Variants in PGBD2 observed in about 807,000 individuals in gnomAD.
PGBD2 encodes the protein piggyBac transposable element derived 2, also known as piggyBac transposable element-derived protein 2.
A neutral mutation model predicts 8.1 loss-of-function variants in PGBD2; 6 were observed. That is an observed-to-expected ratio of 0.74 (90% CI 0.40 to 1.46). PGBD2 has a LOEUF of 1.46. Among genes scored for constraint, PGBD2 ranks in the 40% most tolerant of loss-of-function variants. The pLI is 0.02. For synonymous variants in PGBD2, 318 were observed against 272.2 expected, an observed-to-expected ratio of 1.17 and a Z score of -1.66; for missense variants, 802 against 739.0, an observed-to-expected ratio of 1.09 and a Z score of -0.99.
At chr1:248,904,104 C>T (rs1661579430), upstream of PGBD2, among the ~76,000 whole-genome samples, 1 of 151,596 alleles carries the variant, frequency 6.6e-6, no homozygotes, top group Non-Finnish European at 1.5e-5. Context: ...CTCCCTAAAG[C>T]AAGATAGTAT....
chr1:248,925,066 T>A, the PGBD2 span, among the ~76,000 whole-genome samples: 4 of 152,140 alleles, frequency 2.6e-5, no homozygotes, highest in Non-Finnish European at 2.9e-5. Context: ...ACTGGATATG[T>A]TGGAAAAAAG....
the PGBD2 span, among the ~76,000 whole-genome samples, chr1:248,892,003 A>G: frequency 6.6e-6 from 1 of 152,192 alleles, no homozygotes; most frequent in Non-Finnish European, 1.5e-5. Flanking sequence ...GTCAACCCCA[A>G]ATAACCAAAA....
At position 248,917,708 on chromosome 1, in the gene PGBD2, G is replaced by T. The variant is rs151078940; in HGVS notation, c.1124G>T (p.Arg375Leu). Residue 375 changes from arginine to leucine, a missense_variant, in exon 3 of 3, where the codon CGT becomes CTT. Transcript: ENST00000329291. ...GGGGTGAAAGCCACAGGAACTGTTCGTGAGTACAGGACTGAGCGATGTCCC... is the reference window on the plus strand; with the variant it reads ...GGGGTGAAAGCCACAGGAACTGTTCTTGAGTACAGGACTGAGCGATGTCCC... ...KKGVKATGTV[R>L]EYRTERCPLK... 1.2e-6 allele frequency: 2 copies of T among 1,614,198 alleles called. No homozygotes were observed. Among genetic ancestry groups the T allele is most frequent in the Non-Finnish European group, 1.7e-6 (2 of 1,180,036 alleles).
chr1:248,916,434 T>G (rs1662099766), intron 2 of PGBD2, among the ~76,000 whole-genome samples, 168 bp from the exon 3 acceptor site: 1 of 152,014 alleles, frequency 6.6e-6, no homozygotes, highest in Admixed American at 6.5e-5. Context: ...AAAAGCAGAA[T>G]CTGTGTTTAG....
chr1:248,907,455 T>C (rs956619497), intron 1 of PGBD2, among the ~76,000 whole-genome samples: 5 of 152,198 alleles, frequency 3.3e-5, no homozygotes, highest in Non-Finnish European at 5.9e-5. Context: ...CTTTCCTCTT[T>C]TACTAATCCA....
the PGBD2 span, among the ~76,000 whole-genome samples, chr1:248,892,268 TCCCTC>T: frequency 2.3e-5 from 1 of 43,360 alleles, no homozygotes; most frequent in African/African-American, 1.1e-4. Context: ...CCTCCCTCCC[TCCCTC>T]CCTTCCTTCC....
chr1:248,874,357 A>G, the PGBD2 span, among the ~76,000 whole-genome samples: 507 of 152,316 alleles, frequency 3.3e-3, 4 homozygotes, highest in Non-Finnish European at 5.7e-3. Context: ...AGGGCTAACC[A>G]TAGGTGATGT....
chr1:248,913,871 A>C lies in PGBD2; in HGVS notation c.9A>C (p.Ser3=). Residue 3 remains serine, a synonymous_variant, in exon 2 of 3, where the codon TCA becomes TCC. Coordinates refer to ENST00000329291, the MANE Select transcript of PGBD2 (RefSeq NM_170725.3). MA[S]TSRDVIAGRG... ...CATCTTCCCAGTTCATCATGGCTTC[A>C]ACATCCAGGTAGGAGTGCTGTTTGA... 1 of 1,610,208 alleles carries C rather than the reference A, an allele frequency of 6.2e-7. No homozygotes were observed. The highest frequency in any genetic ancestry group is 8.5e-7 in the Non-Finnish European group (1 of 1,176,460).
the PGBD2 span, among the ~76,000 whole-genome samples, chr1:248,930,056 G>C: frequency 9.9e-5 from 15 of 152,212 alleles, no homozygotes; most frequent in Admixed American, 9.8e-4. Context: ...TCTGCTCCCT[G>C]TGTGCTGAGG....
chr1:248,884,376 T>A, the PGBD2 span, among the ~76,000 whole-genome samples: 1 of 152,036 alleles, frequency 6.6e-6, no homozygotes, highest in East Asian at 1.9e-4. Flanking sequence ...AGTCTCGCTC[T>A]GTAGCCCAGG....
At chr1:248,888,057 A>C in the PGBD2 span, among the ~76,000 whole-genome samples, 1 of 152,200 alleles carries the variant, frequency 6.6e-6, no homozygotes, top group African/African-American at 2.4e-5. Flanking sequence ...AATGACCTCC[A>C]GCTGCATACA....
chr1:248,873,883 C>T, the PGBD2 span, among the ~76,000 whole-genome samples: 9 of 152,212 alleles, frequency 5.9e-5, no homozygotes, highest in Admixed American at 3.3e-4. Flanking sequence ...TCTAAGGCGC[C>T]AGACTCAAGG....
intron 2 of PGBD2, 70 bp downstream of exon 2, chr1:248,913,949 C>T: frequency 7.4e-7 from 1 of 1,346,964 alleles, no homozygotes; most frequent in South Asian, 1.2e-5. Flanking sequence ...AGGCCAGGTC[C>T]ATGACATTTT....
chr1:248,902,195 G>A (rs980203493), upstream of PGBD2, among the ~76,000 whole-genome samples: 1 of 151,910 alleles, frequency 6.6e-6, no homozygotes, highest in South Asian at 2.1e-4. Context: ...CTTGAACCCA[G>A]GAGGCGAAGG....
At chr1:248,928,102 A>G in the PGBD2 span, among the ~76,000 whole-genome samples, 3 of 152,106 alleles carry the variant, frequency 2.0e-5, no homozygotes, top group African/African-American at 7.2e-5. Context: ...TTTTAAAAAA[A>G]TTCCCTTTCC....
At chr1:248,907,109 A>T (rs939319553) in intron 1 of PGBD2, among the ~76,000 whole-genome samples, 3 of 152,168 alleles carry the variant, frequency 2.0e-5, no homozygotes, top group African/African-American at 7.2e-5. Context: ...TATTGTTTTC[A>T]TTATCTCAGC....
the PGBD2 span, among the ~76,000 whole-genome samples, chr1:248,927,603 C>T: frequency 6.6e-6 from 1 of 152,180 alleles, no homozygotes; most frequent in Non-Finnish European, 1.5e-5. Flanking sequence ...ATGTATGTGG[C>T]TGTGTCACAT....
chr1:248,883,584 C>T, the PGBD2 span, among the ~76,000 whole-genome samples: 272 of 89,112 alleles, frequency 3.1e-3, 11 homozygotes, highest in Admixed American at 0.018. Flanking sequence ...TTTTTTTTTT[C>T]TTTTTTTTTT....
chr1:248,904,279 T>C (rs918928986), upstream of PGBD2, among the ~76,000 whole-genome samples: 167 of 131,320 alleles, frequency 1.3e-3, no homozygotes, highest in African/African-American at 5.2e-3. Context: ...ACGGGCTAAA[T>C]TTTTTTTTTT....
Sources: gnomAD v4.1 joint callset for allele counts (sites outside exome capture counted in the v4.1 genomes callset) on GRCh38, gnomAD v4.1.1 for gene constraint, MANE v1.5 for transcripts, NCBI Gene and HGNC (gene_info 2026-07-23, HGNC 2026-07-21) for gene names.